The following SERF2 variants were observed in gnomAD, a reference collection of about 807,000 sequenced individuals.
SERF2 encodes gastric cancer-related protein VRG107.
Under a neutral mutation model 10.7 loss-of-function variants are expected in SERF2, and 4 were observed. That is an observed-to-expected ratio of 0.37 (90% CI 0.18 to 0.86). SERF2 has a LOEUF of 0.86. SERF2 is among the 40% of genes least tolerant of loss of function. The pLI is 0.43. For missense variants in SERF2, 47 were observed against 79.1 expected, an observed-to-expected ratio of 0.59 and a Z score of 1.54; for synonymous variants, 26 against 26.0, an observed-to-expected ratio of 1.00 and a Z score of 0.01.
At chr15:43,782,654 C>G (rs2086973441) in intron 1 of SERF2, among the ~76,000 whole-genome samples, 1 of 152,136 alleles carries the variant, frequency 6.6e-6, no homozygotes, top group African/African-American at 2.4e-5. Flanking sequence ...CCTTCTATCT[C>G]AGCTGGAGGA....
chr15:43,792,603 T>C, intron 1 of SERF2: 1 of 1,441,100 alleles, frequency 6.9e-7, no homozygotes, highest in Non-Finnish European at 9.1e-7. Context: ...CTCCCGGATC[T>C]TCCGCGGTGT....
downstream of SERF2, chr15:43,796,084 T>C (rs2087209147): frequency 5.4e-6 from 6 of 1,110,110 alleles, no homozygotes; most frequent in Non-Finnish European, 8.3e-6. Flanking sequence ...TGGGTAGAGG[T>C]TGGTAGGATG....
chr15:43,779,075 C>T (rs1333964367), intron 1 of SERF2, among the ~76,000 whole-genome samples: 2 of 152,130 alleles, frequency 1.3e-5, no homozygotes, highest in Non-Finnish European at 2.9e-5. Context: ...TGCAGTAGTG[C>T]CCTTGAATAG....
chr15:43,792,665 C>G (rs2087091118), intron 1 of SERF2: 1 of 1,321,782 alleles, frequency 7.6e-7, no homozygotes, highest in Non-Finnish European at 1.0e-6. Context: ...ACTCCACAAG[C>G]CAGCCCATCC....
At position 43,794,917 on chromosome 15, in the gene SERF2, A is replaced by G; in HGVS notation, c.*1144A>G. Reference sequence around the variant, plus strand: ...GGAGATAACTCCCTGTGTGTCCTTGAGGTATTGAGCTGGGCTGGACAGCTC... The same window carrying G: ...GGAGATAACTCCCTGTGTGTCCTTGGGGTATTGAGCTGGGCTGGACAGCTC... On this transcript the variant is annotated 3_prime_UTR_variant, in exon 3 of 3. Transcript: ENST00000249786. The G allele has an allele frequency of 9.8e-7, 1 of 1,016,758 alleles. No homozygotes were observed. Among genetic ancestry groups the G allele is most frequent in the Non-Finnish European group, 1.5e-6 (1 of 684,116 alleles). 63.0% of individuals were successfully genotyped at this position (1,016,758 alleles called of 1,614,324 possible).
At position 43,795,542 on chromosome 15, in the gene SERF2, C is replaced by T. The variant is rs1567170646; in HGVS notation, c.*1769C>T. The T allele has an allele frequency of 6.2e-7, 1 of 1,614,148 alleles. No individual in the cohort carries two copies. Among genetic ancestry groups the T allele is most frequent in the Non-Finnish European group, 8.5e-7 (1 of 1,180,022 alleles). The stretch of plus-strand genomic sequence containing the variant: ...GGCCTCGCAGCCCCACCCCTTTGCC[C>T]TGGAGAGAGGAAATGGCTGCTGGGA... On this transcript the variant is annotated 3_prime_UTR_variant, in exon 3 of 3. Coordinates refer to ENST00000249786, the MANE Select transcript of SERF2 (RefSeq NM_001018108.4).
chr15:43,781,608 T>C (rs2086965022), intron 1 of SERF2, among the ~76,000 whole-genome samples: 1 of 151,220 alleles, frequency 6.6e-6, no homozygotes, highest in Admixed American at 6.6e-5. Context: ...TTTTTTTTTT[T>C]TGAGACAAGG....
exon 1 of SERF2, chr15:43,777,137 C>G (rs998638192): frequency 4.7e-5 from 33 of 705,796 alleles, no homozygotes; most frequent in Non-Finnish European, 7.8e-5. Flanking sequence ...CTTCTAGGAT[C>G]CGCATGAATC....
chr15:43,789,917 G>A (rs2087038862), upstream of SERF2, among the ~76,000 whole-genome samples: 1 of 152,102 alleles, frequency 6.6e-6, no homozygotes, highest in African/African-American at 2.4e-5. Context: ...GAGGCAGGTG[G>A]ATCACCTGAG....
chr15:43,793,872 G>A lies in SERF2; in HGVS notation c.*99G>A. 1 of 1,609,914 alleles carries A rather than the reference G, an allele frequency of 6.2e-7. No homozygotes were observed. Among genetic ancestry groups the A allele is most frequent in the Non-Finnish European group, 8.5e-7 (1 of 1,178,006 alleles). On this transcript the variant is annotated 3_prime_UTR_variant, in exon 3 of 3. Transcript: ENST00000249786. ...CCTCCTGTAGTGCTCACAGGTCCCA[G>A]CACCGATGGCATTCCCTTTGCCCTG...
Position 43,792,395 on chromosome 15 carries a change from GCCC to G in SERF2, c.7+15_7+17del. 1 of 1,613,878 alleles carries G rather than the reference GCCC, an allele frequency of 6.2e-7. No individual in the cohort carries two copies. The highest frequency in any genetic ancestry group is 1.1e-5 in the South Asian group (1 of 91,070). On this transcript the variant is annotated intron_variant, in intron 1 of 2. Coordinates refer to ENST00000249786, the MANE Select transcript of SERF2 (RefSeq NM_001018108.4). Reference sequence around the variant, plus strand: ...CGTCGCCATGACCCGTGAGCACCGAGCCCCCTTCTCCTTGCCCTTTTCTTTCCG... The same window carrying G: ...CGTCGCCATGACCCGTGAGCACCGAGCCTTCTCCTTGCCCTTTTCTTTCCG...
At chr15:43,781,702 C>T (rs1157313828) in intron 1 of SERF2, among the ~76,000 whole-genome samples, 1 of 151,000 alleles carries the variant, frequency 6.6e-6, no homozygotes, top group Non-Finnish European at 1.5e-5. Flanking sequence ...AGCGATTCTC[C>T]TGCCTCAGCC....
chr15:43,785,696 T>C (rs1278706746), intron 2 of SERF2, among the ~76,000 whole-genome samples: 1 of 147,612 alleles, frequency 6.8e-6, no homozygotes, highest in Non-Finnish European at 1.5e-5. Flanking sequence ...GGACTGAATT[T>C]TCTTTTTCTT....
chr15:43,791,454 C>T (rs1323361221), upstream of SERF2, among the ~76,000 whole-genome samples: 1 of 151,908 alleles, frequency 6.6e-6, no homozygotes, highest in Non-Finnish European at 1.5e-5. Context: ...GGCTGCTGGT[C>T]TCGAACTCCT....
intron 2 of SERF2, 129 bp from the exon 3 acceptor site, chr15:43,793,581 G>A: frequency 1.3e-6 from 2 of 1,567,616 alleles, no homozygotes; most frequent in Middle Eastern, 1.7e-4. Context: ...CCTAGGGTGG[G>A]AGTACAGCAG....
Position 43,795,193 on chromosome 15 carries a change from TC to T in SERF2, c.*1422del. The stretch of plus-strand genomic sequence containing the variant: ...CCAGCTACCCTTGATGAAGGTCTTT[TC>T]CAGTTCTGCTCCCTCATAGCTGTGT... On this transcript the variant is annotated 3_prime_UTR_variant, in exon 3 of 3. Coordinates refer to ENST00000249786, the MANE Select transcript of SERF2 (RefSeq NM_001018108.4). 6.2e-7 allele frequency: 1 copy of T among 1,614,092 alleles called. No individual in the cohort carries two copies. Among genetic ancestry groups the T allele is most frequent in the Non-Finnish European group, 8.5e-7 (1 of 1,180,018 alleles).
chr15:43,793,946 C>CT lies in SERF2; in HGVS notation c.*174dup. On this transcript the variant is annotated 3_prime_UTR_variant, in exon 3 of 3. Transcript: ENST00000249786. ...GCTTCCTTCCCCTCAGGTAGCCTCT[C>CT]TCCCCCTGGGCCACTCCCGGGGGTG... 6.4e-7 allele frequency: 1 copy of CT among 1,552,630 alleles called. No individual in the cohort carries two copies. Among genetic ancestry groups the CT allele is most frequent in the Non-Finnish European group, 8.7e-7 (1 of 1,148,268 alleles).
At chr15:43,792,911 A>G in intron 1 of SERF2, 64 bp from the exon 2 acceptor site, 1 of 1,200,672 alleles carries the variant, frequency 8.3e-7, no homozygotes. Context: ...GCGCTGGGGT[A>G]GAAGGGTCGC....
upstream of SERF2, chr15:43,791,925 AAC>A (rs2087067120): frequency 4.6e-6 from 1 of 219,696 alleles, no homozygotes; most frequent in African/African-American, 2.2e-5. Context: ...GAGTACTCGT[AAC>A]ACAGAACTGG....
Sources: allele counts gnomAD v4.1 joint callset (sites outside exome capture counted in the v4.1 genomes callset), GRCh38; gene constraint gnomAD v4.1.1; transcripts MANE v1.5; gene names NCBI Gene and HGNC (gene_info 2026-07-23, HGNC 2026-07-21).